Variants in GALNTL6 observed in about 807,000 individuals in gnomAD.
GALNTL6 encodes polypeptide N-acetylgalactosaminyltransferase like 6, also known as polypeptide N-acetylgalactosaminyltransferase-like 6.
GALNTL6 carries 46 observed loss-of-function variants against 73.7 expected under a neutral mutation model. That is an observed-to-expected ratio of 0.62 (90% CI 0.49 to 0.80). The LOEUF is 0.80. Ranked by LOEUF, GALNTL6 falls within the 30% of genes least tolerant of loss-of-function variation. GALNTL6 has a pLI of 0.00. For missense variants in GALNTL6, 604 were observed against 755.0 expected, an observed-to-expected ratio of 0.80 and a Z score of 2.34; for synonymous variants, 259 against 263.7, an observed-to-expected ratio of 0.98 and a Z score of 0.17.
chr4:172,937,435 A>G (rs1434377414), intron 9 of GALNTL6, among the ~76,000 whole-genome samples: 2 of 152,166 alleles, frequency 1.3e-5, no homozygotes, highest in African/African-American at 4.8e-5. Context: ...AGGAAAGGGG[A>G]AGAGACTGAG....
chr4:172,842,711 GT>G (rs1743277296), intron 7 of GALNTL6, among the ~76,000 whole-genome samples: 1 of 151,480 alleles, frequency 6.6e-6, no homozygotes, highest in Non-Finnish European at 1.5e-5. Flanking sequence ...GGACTGGGGA[GT>G]TAGGGGAAGG....
intron 2 of GALNTL6, among the ~76,000 whole-genome samples, chr4:172,082,348 T>G (rs1173387945): frequency 6.6e-6 from 1 of 152,136 alleles, no homozygotes; most frequent in Non-Finnish European, 1.5e-5. Flanking sequence ...CAAAACAGAT[T>G]GAATTTGAGA....
intron 5 of GALNTL6, among the ~76,000 whole-genome samples, chr4:172,489,224 C>A (rs1220292785): frequency 2.6e-5 from 4 of 152,130 alleles, no homozygotes; most frequent in Non-Finnish European, 5.9e-5. Flanking sequence ...TAGTATAATT[C>A]TCCAAAACAA....
chr4:172,673,799 T>G (rs1732127251), intron 5 of GALNTL6, among the ~76,000 whole-genome samples: 1 of 152,242 alleles, frequency 6.6e-6, no homozygotes, highest in Non-Finnish European at 1.5e-5. Context: ...AAACCCATGT[T>G]TTTTCTGTTT....
At chr4:172,838,575 C>T (rs1246624115) in intron 7 of GALNTL6, among the ~76,000 whole-genome samples, 1 of 152,182 alleles carries the variant, frequency 6.6e-6, no homozygotes, top group Admixed American at 6.5e-5. Flanking sequence ...TTTTGTCTTG[C>T]AACCAAAGTC....
At chr4:173,035,105 T>TTTA in intron 12 of GALNTL6, among the ~76,000 whole-genome samples, 1 of 152,082 alleles carries the variant, frequency 6.6e-6, no homozygotes, top group East Asian at 1.9e-4. Context: ...TCTTTTTTTT[T>TTTA]TTATTATACT....
intron 2 of GALNTL6, among the ~76,000 whole-genome samples, chr4:172,041,978 T>C (rs991204301): frequency 1.3e-5 from 2 of 152,060 alleles, no homozygotes; most frequent in African/African-American, 4.8e-5. Context: ...AATATAACTA[T>C]TGTACTGTAA....
intron 5 of GALNTL6, among the ~76,000 whole-genome samples, chr4:172,613,694 A>C (rs1166836998): frequency 1.3e-5 from 2 of 152,186 alleles, no homozygotes; most frequent in East Asian, 3.9e-4. Context: ...CTTTAAAGTC[A>C]AAAATACCAT....
intron 2 of GALNTL6, among the ~76,000 whole-genome samples, chr4:171,938,034 A>C (rs1306324758): frequency 2.0e-5 from 3 of 152,244 alleles, no homozygotes; most frequent in African/African-American, 4.8e-5. Flanking sequence ...TTATTTCCAT[A>C]ACAAAGGCCA....
intron 2 of GALNTL6, among the ~76,000 whole-genome samples, chr4:171,866,009 A>G (rs962166601): frequency 2.0e-5 from 3 of 152,178 alleles, no homozygotes; most frequent in Non-Finnish European, 4.4e-5. Context: ...TGTTAAATAT[A>G]AAAAAGGCTG....
intron 7 of GALNTL6, among the ~76,000 whole-genome samples, chr4:172,862,759 C>T (rs1172171515): frequency 2.6e-5 from 4 of 152,120 alleles, no homozygotes; most frequent in Admixed American, 1.3e-4. Context: ...AAGCCAGCTT[C>T]AGAAATTTGC....
chr4:172,062,126 T>G lies in GALNTL6; in HGVS notation c.139-167530T>G, dbSNP rs572259309. Among the ~76,000 whole-genome samples, 212 of 147,468 alleles carry G rather than the reference T, an allele frequency of 1.4e-3. 1 individual carries two copies. The highest frequency in any genetic ancestry group is 5.0e-3 in the African/African-American group (202 of 40,220). On this transcript the variant is annotated intron_variant, in intron 2 of 12. Transcript: ENST00000506823. Reference sequence around the variant, plus strand: ...CACCATGCCCAGCTAATTTTTGTATTTTTTTTTTTAGTAGAGACAGGGTTT... The same window carrying G: ...CACCATGCCCAGCTAATTTTTGTATGTTTTTTTTTAGTAGAGACAGGGTTT...
At chr4:172,767,798 T>A (rs1167854308) in intron 5 of GALNTL6, among the ~76,000 whole-genome samples, 1 of 151,112 alleles carries the variant, frequency 6.6e-6, no homozygotes, top group Admixed American at 6.6e-5. Flanking sequence ...GCCTCCCAAG[T>A]AGCTGGGATC....
chr4:171,837,309 A>C (rs1013699011), intron 2 of GALNTL6, among the ~76,000 whole-genome samples: 1 of 152,122 alleles, frequency 6.6e-6, no homozygotes, highest in Non-Finnish European at 1.5e-5. Flanking sequence ...TACTGAAAGA[A>C]GCTAAAGAAA....
In GALNTL6 at chr4:172,345,094, GTTTT is replaced by G. The variant is rs34057253; in HGVS notation, c.387-3417_387-3414del. On this transcript the variant is annotated intron_variant, in intron 4 of 12. Coordinates refer to ENST00000506823, the MANE Select transcript of GALNTL6 (RefSeq NM_001034845.3). ...CCTTAGCACATTATGAAGAGGTATT[GTTTT>G]TTTTTTTTTTTGCTCCCACATTATC... Among the ~76,000 whole-genome samples, 13 of 141,680 alleles carry G rather than the reference GTTTT, an allele frequency of 9.2e-5. No individual in the cohort carries two copies. The South Asian group carries it at 9.2e-4, about 10-fold the overall frequency. The allele number at this position is 141,680 out of a possible 152,430, so 92.9% of individuals were successfully genotyped here.
intron 5 of GALNTL6, among the ~76,000 whole-genome samples, chr4:172,535,159 A>G (rs1735304501): frequency 6.6e-6 from 1 of 152,226 alleles, no homozygotes; most frequent in South Asian, 2.1e-4. Context: ...ACAGTAAGGA[A>G]GGTTAATAGA....
At chr4:172,693,163 A>C (rs1450695146) in intron 5 of GALNTL6, among the ~76,000 whole-genome samples, 2 of 152,220 alleles carry the variant, frequency 1.3e-5, no homozygotes, top group Non-Finnish European at 2.9e-5. Flanking sequence ...TCTCTAAATC[A>C]GAATGCTAAT....
At chr4:172,606,603 C>CATATATAGTAT (rs1560832204) in intron 5 of GALNTL6, among the ~76,000 whole-genome samples, 5 of 88,372 alleles carry the variant, frequency 5.7e-5, no homozygotes, top group African/African-American at 1.6e-4. Flanking sequence ...CACATATATA[C>CATATATAGTAT]ATATATACAT....
chr4:172,627,933 C>G (rs1739231534), intron 5 of GALNTL6, among the ~76,000 whole-genome samples: 1 of 3,634 alleles, frequency 2.8e-4, no homozygotes, highest in Admixed American at 6.1e-3. Flanking sequence ...TCTTGTTTAT[C>G]CTTTCAAAAA....
Sources: allele counts gnomAD v4.1 joint callset (sites outside exome capture counted in the v4.1 genomes callset), GRCh38; gene constraint gnomAD v4.1.1; transcripts MANE v1.5; gene names NCBI Gene and HGNC (gene_info 2026-07-23, HGNC 2026-07-21).